TEX11: variants seen among roughly 807,000 people sequenced by gnomAD.
TEX11 encodes the protein testis-expressed protein 11.
In TEX11, 7 loss-of-function variants were observed where a neutral mutation model predicts 84.4. That is an observed-to-expected ratio of 0.08 (90% confidence interval 0.05 to 0.16). The LOEUF (loss-of-function observed/expected upper bound fraction) is 0.16. Among genes scored for constraint, TEX11 ranks in the 10% least tolerant of loss-of-function variants. TEX11 has a pLI of 1.00. For missense variants in TEX11, 551 were observed against 660.5 expected (o/e 0.83, Z 1.82); for synonymous variants, 264 against 222.8 (o/e 1.18, Z -1.64).
intron 28 of TEX11, among the ~76,000 whole-genome samples, chrX:70,543,300 T>C (rs923217015): frequency 6.2e-5 from 7 of 112,432 alleles, no homozygotes; most frequent in Non-Finnish European, 1.1e-4. Context: ...AATAAATGGA[T>C]GGGAAACTCA....
downstream of TEX11, among the ~76,000 whole-genome samples, chrX:70,525,516 G>A (rs2087814001): frequency 9.1e-6 from 1 of 109,443 alleles, no homozygotes; most frequent in Non-Finnish European, 1.9e-5. Flanking sequence ...GAGCCCAGGA[G>A]GCGGAAGTTG....
intron 15 of TEX11, among the ~76,000 whole-genome samples, chrX:70,675,890 A>G (rs764307195): frequency 8.9e-6 from 1 of 111,773 alleles, no homozygotes; most frequent in South Asian, 3.8e-4. Flanking sequence ...TTGGCCTCCC[A>G]AAGTGCTAGG....
intron 4 of TEX11, among the ~76,000 whole-genome samples, chrX:70,865,151 C>A (rs189891308): frequency 1.8e-5 from 2 of 111,172 alleles, no homozygotes; most frequent in East Asian, 5.6e-4. Context: ...TCAGGAGAAC[C>A]ATCTCACACA....
intron 10 of TEX11, among the ~76,000 whole-genome samples, chrX:70,743,054 C>T (rs372599998): frequency 2.7e-5 from 3 of 111,080 alleles, no homozygotes; most frequent in African/African-American, 1.0e-4. Context: ...ATTCTCCCCT[C>T]TCCCTACCCC....
At chrX:70,900,737 T>C (rs2091798864) in intron 2 of TEX11, among the ~76,000 whole-genome samples, 1 of 111,045 alleles carries the variant, frequency 9.0e-6, no homozygotes, top group African/African-American at 3.3e-5. Context: ...GTGGATCACT[T>C]GAGGCCAGGA....
At chrX:70,690,624 T>G (rs2090226382) in intron 13 of TEX11, among the ~76,000 whole-genome samples, 1 of 111,355 alleles carries the variant, frequency 9.0e-6, no homozygotes, top group South Asian at 3.9e-4. Flanking sequence ...GAAGATCACT[T>G]GAGTCCAGGA....
chrX:70,758,417 A>T (rs980128693), intron 9 of TEX11, among the ~76,000 whole-genome samples: 5 of 111,695 alleles, frequency 4.5e-5, no homozygotes, highest in African/African-American at 1.6e-4. Flanking sequence ...AAATCACAAC[A>T]GTCTCTCAGA....
At chrX:70,672,432 A>T (rs2090033628) in intron 15 of TEX11, among the ~76,000 whole-genome samples, 1 of 112,165 alleles carries the variant, frequency 8.9e-6, no homozygotes. Context: ...AAAACTGCCA[A>T]ACTATTTTCC....
intron 13 of TEX11, among the ~76,000 whole-genome samples, chrX:70,700,027 G>A (rs1327957710): frequency 9.0e-6 from 1 of 111,477 alleles, no homozygotes; most frequent in East Asian, 2.8e-4. Context: ...ATCAAAGCAG[G>A]AAACAGCATT....
chrX:70,564,867 G>A (rs1315732719), intron 25 of TEX11, among the ~76,000 whole-genome samples: 18 of 110,128 alleles, frequency 1.6e-4, no homozygotes, highest in African/African-American at 4.6e-4. Flanking sequence ...ATAAACATAC[G>A]TGTGCATGTG....
intron 13 of TEX11, among the ~76,000 whole-genome samples, chrX:70,700,418 A>C (rs1348592002): frequency 2.7e-5 from 3 of 111,610 alleles, no homozygotes; most frequent in East Asian, 2.8e-4. Flanking sequence ...GCAATATTTC[A>C]ATTTTTTTCA....
At chrX:70,893,386 G>A (rs1283397050) in intron 2 of TEX11, among the ~76,000 whole-genome samples, 1 of 111,934 alleles carries the variant, frequency 8.9e-6, no homozygotes, top group Non-Finnish European at 1.9e-5. Context: ...AGAACACAGT[G>A]CAATCAAATT....
At chrX:70,670,598 T>A (rs1686605914) in intron 15 of TEX11, 84 bp from the exon 16 acceptor site, 1 of 1,050,912 alleles carries the variant, frequency 9.5e-7, no homozygotes, top group African/African-American at 1.9e-5. Context: ...AAATAAAAGA[T>A]GCTGTTGGTT....
At chrX:70,851,065 C>T (rs1260278915) in intron 7 of TEX11, among the ~76,000 whole-genome samples, 1 of 111,981 alleles carries the variant, frequency 8.9e-6, no homozygotes, top group Non-Finnish European at 1.9e-5. Context: ...AAAATTCCAG[C>T]TGGCTTCTGT....
At chrX:70,765,226 A>C (rs1281720422) in intron 9 of TEX11, among the ~76,000 whole-genome samples, 3 of 110,976 alleles carry the variant, frequency 2.7e-5, no homozygotes, top group Admixed American at 1.9e-4. Flanking sequence ...TCTCTACTAA[A>C]ACCACAGAAA....
At chrX:70,686,410 C>T (rs1347918570) in intron 13 of TEX11, among the ~76,000 whole-genome samples, 1 of 111,433 alleles carries the variant, frequency 9.0e-6, no homozygotes, top group African/African-American at 3.3e-5. Context: ...AGCTGCAAGC[C>T]ATCATCTCAG....
At chrX:70,650,778 C>T (rs777454340) in intron 17 of TEX11, among the ~76,000 whole-genome samples, 18 of 112,081 alleles carry the variant, frequency 1.6e-4, no homozygotes, top group Non-Finnish European at 3.0e-4. Context: ...AAACAAATGG[C>T]AACCAGTCTG....
intron 11 of TEX11, among the ~76,000 whole-genome samples, chrX:70,735,032 A>C (rs377735105): frequency 8.9e-6 from 1 of 112,012 alleles, no homozygotes; most frequent in East Asian, 2.8e-4. Flanking sequence ...AAGAAGTAAA[A>C]CTATCTTTAT....
Position 70,714,605 on chromosome X carries a change from G to A in TEX11, c.1004+8013C>T, listed in dbSNP as rs749741832. 3.2e-4 allele frequency among the ~76,000 whole-genome samples: 36 copies of A among 111,338 alleles called. 1 individual carries two copies. In the South Asian group the frequency reaches 0.012, roughly 38 times the overall value. On this transcript the variant is annotated intron_variant, in intron 13 of 29. Transcript: ENST00000374333. Reference sequence around the variant, plus strand: ...TTAAAGTCTGTATTATCAGAGACTAGGATTGCAACCCCTGCCTTTGTTTGT... The same window carrying A: ...TTAAAGTCTGTATTATCAGAGACTAAGATTGCAACCCCTGCCTTTGTTTGT...
Sources: gnomAD v4.1 joint callset for allele counts (sites outside exome capture counted in the v4.1 genomes callset) on GRCh38, gnomAD v4.1.1 for gene constraint, MANE v1.5 for transcripts, NCBI Gene and HGNC (gene_info 2026-07-23, HGNC 2026-07-21) for gene names.